Variants in ARHGAP33 observed in about 807,000 individuals in gnomAD.
ARHGAP33 encodes rho GTPase-activating protein 33.
ARHGAP33 carries 57 observed loss-of-function variants against 126.2 expected under a neutral mutation model. The observed-to-expected ratio is 0.45, with a 90% CI of 0.36 to 0.56. ARHGAP33 has a LOEUF of 0.56. Ranked by LOEUF, ARHGAP33 falls within the 20% of genes least tolerant of loss-of-function variation. The pLI, the probability that ARHGAP33 is intolerant of heterozygous loss-of-function variation, is 0.00. For missense variants in ARHGAP33, 1,500 were observed against 1,748.3 expected (o/e 0.86, Z 2.53); for synonymous variants, 711 against 755.0 (o/e 0.94, Z 0.95).
chr19:35,780,344 G>A lies in ARHGAP33; in HGVS notation c.624+11G>A, dbSNP rs1201216498. 7.4e-6 allele frequency: 12 copies of A among 1,613,428 alleles called. No homozygotes were observed. The highest frequency in any genetic ancestry group is 1.0e-5 in the Non-Finnish European group (12 of 1,179,904). Reference sequence around the variant, plus strand: ...GAGCTGTCCTTTGAGGTGAGGCTGTGGGGAAGCAGATTCCAGCTGGGCTCC... The same window carrying A: ...GAGCTGTCCTTTGAGGTGAGGCTGTAGGGAAGCAGATTCCAGCTGGGCTCC... On this transcript the variant is annotated intron_variant, in intron 7 of 20. Transcript: ENST00000007510.
rs1317896800 is a variant in ARHGAP33, at chr19:35,788,610, G to T, written c.*181G>T. On this transcript the variant is annotated 3_prime_UTR_variant, in exon 21 of 21. Transcript: ENST00000007510. ...CAGCTTCCCTACCCTGGACTGAAGG[G>T]TCTGCCCATCCCCCCACCACCCTCC... 1.2e-5 allele frequency: 7 copies of T among 579,050 alleles called. No individual in the cohort carries two copies. The highest frequency in any genetic ancestry group is 7.5e-5 in the Admixed American group (2 of 26,504). The allele number at this position is 579,050 out of a possible 1,614,324, so 35.9% of individuals were successfully genotyped here.
Position 35,785,049 on chromosome 19 carries a change from G to T in ARHGAP33, c.1664G>T (p.Arg555Leu), listed in dbSNP as rs530507072. 4.9e-5 allele frequency: 77 copies of T among 1,555,642 alleles called. No individual in the cohort carries two copies. In the South Asian group the frequency reaches 9.1e-4, roughly 18 times the overall value. The change falls in exon 17 of 21, where the codon CGG becomes CTG. Residue 555 changes from arginine (R) to leucine (L), a missense_variant. Around this residue, in one of 6 missense-constraint regions of ARHGAP33, gnomAD observed 300 missense variants for 291.1 expected, o/e 1.03. Coordinates refer to ENST00000007510, the MANE Select transcript of ARHGAP33 (RefSeq NM_001366178.1). The stretch of plus-strand genomic sequence containing the variant: ...GAAGCCCAGGCACGCACCCAGGGCC[G>T]GCTGGGGACGCCCACGGAGCCCACA... ...LEEAQARTQG[R>L]LGTPTEPTTP...
intron 17 of ARHGAP33, 28 bp downstream of exon 17, chr19:35,785,134 G>A (rs1235562422): frequency 6.3e-7 from 1 of 1,587,872 alleles, no homozygotes; most frequent in African/African-American, 1.3e-5. Context: ...GGTGGCGAGG[G>A]GCAGGTGGAG....
At chr19:35,784,766 C>T (rs1013818051) in intron 16 of ARHGAP33, 187 bp from the exon 17 acceptor site, 29 of 1,362,948 alleles carry the variant, frequency 2.1e-5, no homozygotes, top group Middle Eastern at 5.4e-4. Flanking sequence ...CTCATCAGCT[C>T]GTCCCGCCCC....
At position 35,786,963 on chromosome 19, in the gene ARHGAP33, C is replaced by G. The variant is rs1599802059; in HGVS notation, c.2493C>G (p.Ser831Arg). The G allele has an allele frequency of 6.2e-7, 1 of 1,610,588 alleles. No homozygotes were observed. Among genetic ancestry groups the G allele is most frequent in the African/African-American group, 1.3e-5 (1 of 74,964 alleles). Residue 831 changes from serine to arginine, a missense_variant, in exon 20 of 21, where the codon AGC becomes AGG. Physicochemically the swap from Ser to Arg is moderately radical, Grantham distance 110. Coordinates refer to ENST00000007510, the MANE Select transcript of ARHGAP33 (RefSeq NM_001366178.1). The surrounding 1 kb of genome is among the most constrained non-coding windows in gnomAD (Gnocchi z 7.0). Reference protein sequence around the residue: ...TPTPALSPGRSLRPHLIPLLL... With the variant: ...TPTPALSPGRRLRPHLIPLLL... Reference sequence around the variant, plus strand: ...CACCAGCTCTCAGCCCCGGCCGGAGCCTGCGCCCCCATCTCATACCCCTGC... The same window carrying G: ...CACCAGCTCTCAGCCCCGGCCGGAGGCTGCGCCCCCATCTCATACCCCTGC...
Position 35,775,635 on chromosome 19 carries a change from G to A in ARHGAP33, c.-24G>A, listed in dbSNP as rs1272376794. ...GGCGAGCGAGGGGTCGAGCGCGGCCGGGGCCTGAGGAGGCTACGCGACCAT... is the reference window on the plus strand; with the variant it reads ...GGCGAGCGAGGGGTCGAGCGCGGCCAGGGCCTGAGGAGGCTACGCGACCAT... On this transcript the variant is annotated 5_prime_UTR_variant, in exon 1 of 21. Coordinates refer to ENST00000007510, the MANE Select transcript of ARHGAP33 (RefSeq NM_001366178.1). 1.3e-6 allele frequency: 2 copies of A among 1,528,644 alleles called. No homozygotes were observed. Among genetic ancestry groups the A allele is most frequent in the Non-Finnish European group, 1.7e-6 (2 of 1,143,340 alleles). 94.7% of individuals were successfully genotyped at this position (1,528,644 alleles called of 1,614,324 possible).
At position 35,788,215 on chromosome 19, in the gene ARHGAP33, G is replaced by C. The variant is rs770878639; in HGVS notation, c.3650G>C (p.Arg1217Pro). Reference sequence around the variant, plus strand: ...AAACAACGGGCACCCTGGGGACCCCGTACCCCTCATAGGGTGCCGGGTCCC... The same window carrying C: ...AAACAACGGGCACCCTGGGGACCCCCTACCCCTCATAGGGTGCCGGGTCCC... ...PQKQRAPWGP[R>P]TPHRVPGPWG... Residue 1217 changes from arginine (R) to proline (P), a missense_variant, in exon 21 of 21, where the codon CGT (arginine) becomes CCT (proline). Around this residue, in one of 6 missense-constraint regions of ARHGAP33, gnomAD observed 642 missense variants for 634.0 expected, o/e 1.01. Transcript: ENST00000007510. 2 of 1,571,900 alleles carry C rather than the reference G, an allele frequency of 1.3e-6. No homozygotes were observed. Among genetic ancestry groups the C allele is most frequent in the Non-Finnish European group, 1.7e-6 (2 of 1,157,910 alleles).
At position 35,779,115 on chromosome 19, in the gene ARHGAP33, C is replaced by T. The variant is rs1316046104; in HGVS notation, c.492C>T (p.Thr164=). The change falls in exon 6 of 21, where the codon ACC becomes ACT. Residue 164 remains threonine (T), a synonymous_variant. Transcript: ENST00000007510. ...ACCTCAACTGCGGGCCTGTGCTCAC[C>T]TGGATGGAGGTGGGCCTGGGCAGGG... is the stretch of plus-strand genomic sequence containing the variant. ...DSNLNCGPVL[T]WMELDNHGRR... 1.3e-6 allele frequency: 2 copies of T among 1,551,474 alleles called. No individual in the cohort carries two copies. Among genetic ancestry groups the T allele is most frequent in the Admixed American group, 2.0e-5 (1 of 50,990 alleles).
chr19:35,776,537 C>T (rs976980083), intron 1 of ARHGAP33, among the ~76,000 whole-genome samples: 4 of 152,124 alleles, frequency 2.6e-5, no homozygotes, highest in South Asian at 2.1e-4. Context: ...AGCAGGGAGA[C>T]GCTACAGCCC....
Position 35,788,809 on chromosome 19 carries a change from A to C in ARHGAP33, c.*380A>C. 1.1e-5 allele frequency: 2 copies of C among 177,398 alleles called. No homozygotes were observed. The highest frequency in any genetic ancestry group is 1.5e-4 in the East Asian group (1 of 6,500). 11.0% of individuals were successfully genotyped at this position (177,398 alleles called of 1,614,324 possible). A position where few individuals can be genotyped will look rare whatever the true frequency, so the allele number is the denominator to read the frequency against. On this transcript the variant is annotated 3_prime_UTR_variant, in exon 21 of 21. Transcript: ENST00000007510. ...CCATCTGACAACATTAATGAATAAA[A>C]TGGTGAAAATGTGGCTGCTGAAGTC...
chr19:35,784,627 G>A (rs1238843685), intron 16 of ARHGAP33: 18 of 367,384 alleles, frequency 4.9e-5, no homozygotes, highest in East Asian at 2.1e-4. Context: ...ACCCCGCCCC[G>A]GCCCCACCCA....
In ARHGAP33 at chr19:35,780,191, A is replaced by G. The variant is rs767812246; in HGVS notation, c.502-20A>G. 6.2e-6 allele frequency: 10 copies of G among 1,612,624 alleles called. No homozygotes were observed. In the East Asian group the frequency reaches 1.3e-4, roughly 22 times the overall value. On this transcript the variant is annotated intron_variant, in intron 6 of 20. Transcript: ENST00000007510. ...CACCGTCTTCTGACCTGTCCTTGCC[A>G]CATTCCACCTCTATTTCAGCTGGAC... is the stretch of plus-strand genomic sequence containing the variant.
Position 35,786,417 on chromosome 19 carries a change from C to T in ARHGAP33, c.1947C>T (p.Leu649=). 1 of 1,531,778 alleles carries T rather than the reference C, an allele frequency of 6.5e-7. No homozygotes were observed. Among genetic ancestry groups the T allele is most frequent in the East Asian group, 2.4e-5 (1 of 40,856 alleles). The allele number at this position is 1,531,778 out of a possible 1,614,324, so 94.9% of individuals were successfully genotyped here. A position where few individuals can be genotyped will look rare whatever the true frequency, so the allele number is the denominator to read the frequency against. ...SLSSQASGAG[L]QRLHRLRRPH... ...TCACTGACCCCACCCCTCCAGGCCT[C>T]CAGAGGCTGCACAGGCTGCGGCGAC... Residue 649 remains leucine (L), a synonymous_variant, in exon 20 of 21, where the codon CTC becomes CTT. Coordinates refer to ENST00000007510, the MANE Select transcript of ARHGAP33 (RefSeq NM_001366178.1). This position sits in a 1 kb window ranked among gnomAD's most constrained non-coding sequence, Gnocchi z 7.0.
chr19:35,780,242 G>T lies in ARHGAP33; in HGVS notation c.533G>T (p.Ser178Ile). 1 of 1,613,984 alleles carries T rather than the reference G, an allele frequency of 6.2e-7. No individual in the cohort carries two copies. The highest frequency in any genetic ancestry group is 8.5e-7 in the Non-Finnish European group (1 of 1,180,014). Residue 178 changes from serine to isoleucine, a missense_variant, in exon 7 of 21, where the codon AGT becomes ATT. Physicochemically the swap from Ser to Ile is moderately radical, Grantham distance 142. This residue lies in a region of ARHGAP33 where 75 missense variants were observed against 152.7 expected (regional missense o/e 0.49). Transcript: ENST00000007510. ...AATCACGGCCGGCGACTGCTCCTCAGTGAGGAGGCGTCACTCAATATCCCT... is the reference window on the plus strand; with the variant it reads ...AATCACGGCCGGCGACTGCTCCTCATTGAGGAGGCGTCACTCAATATCCCT... The part of the protein sequence containing the change: ...LDNHGRRLLL[S>I]EEASLNIPAV...
chr19:35,776,344 C>T (rs1250736052), intron 1 of ARHGAP33, among the ~76,000 whole-genome samples: 1 of 151,970 alleles, frequency 6.6e-6, no homozygotes, highest in Non-Finnish European at 1.5e-5. Flanking sequence ...ATGCTGCTCC[C>T]GCTCATTCAT....
chr19:35,775,599 GCGA>G lies in ARHGAP33; in HGVS notation c.-56_-54del. The G allele has an allele frequency of 1.4e-5, 21 of 1,479,716 alleles. No individual in the cohort carries two copies. Among genetic ancestry groups the G allele is most frequent in the Non-Finnish European group, 1.9e-5 (21 of 1,119,604 alleles). 91.7% of individuals were successfully genotyped at this position (1,479,716 alleles called of 1,614,324 possible). On this transcript the variant is annotated 5_prime_UTR_variant, in exon 1 of 21. Coordinates refer to ENST00000007510, the MANE Select transcript of ARHGAP33 (RefSeq NM_001366178.1). ...TTGTGTCGCCATGGCGGCGGCAGCG[GCGA>G]CGAGAACGGCGAGCGAGGGGTCGAG...
At chr19:35,779,843 G>C (rs1470375721) in intron 6 of ARHGAP33, 24 of 457,670 alleles carry the variant, frequency 5.2e-5, no homozygotes, top group South Asian at 3.8e-4. Flanking sequence ...CAAAGTGCTG[G>C]GATTACAGGC....
In ARHGAP33 at chr19:35,786,757, C is replaced by T; in HGVS notation, c.2287C>T (p.Pro763Ser). The T allele has an allele frequency of 1.3e-6, 2 of 1,516,608 alleles. No individual in the cohort carries two copies. The highest frequency in any genetic ancestry group is 1.8e-6 in the Non-Finnish European group (2 of 1,136,188). 93.9% of individuals were successfully genotyped at this position (1,516,608 alleles called of 1,614,324 possible). Reference sequence around the variant, plus strand: ...TCCCGCACCTCCCGCCAGCCCAGCACCCCCCGCCCCTGCCTCTGCCTTCCC... The same window carrying T: ...TCCCGCACCTCCCGCCAGCCCAGCATCCCCCGCCCCTGCCTCTGCCTTCCC... ...GDPAPPASPA[P>S]PAPASAFPPR... The change falls in exon 20 of 21, where the codon CCC becomes TCC. Residue 763 changes from proline (P) to serine (S), a missense_variant. This residue lies in a region of ARHGAP33 where 73 missense variants were observed against 110.8 expected (regional missense o/e 0.66). Transcript: ENST00000007510. This position sits in a 1 kb window ranked among gnomAD's most constrained non-coding sequence, Gnocchi z 7.0.
In ARHGAP33 at chr19:35,787,305, C is replaced by G; in HGVS notation, c.2740C>G (p.Gln914Glu). The change falls in exon 21 of 21, where the codon CAA becomes GAA. Residue 914 changes from glutamine (Q) to glutamate (E), a missense_variant. Around this residue, in one of 6 missense-constraint regions of ARHGAP33, gnomAD observed 642 missense variants for 634.0 expected, o/e 1.01. Coordinates refer to ENST00000007510, the MANE Select transcript of ARHGAP33 (RefSeq NM_001366178.1). The part of the protein sequence containing the change: ...LAERAQQVAE[Q>E]QSQQECGGTP... ...TGAGCGGGCTCAGCAGGTGGCCGAG[C>G]AACAGAGCCAGCAGGAGTGTGGGGG... 6.2e-7 allele frequency: 1 copy of G among 1,612,568 alleles called. No individual in the cohort carries two copies. Among genetic ancestry groups the G allele is most frequent in the Non-Finnish European group, 8.5e-7 (1 of 1,179,496 alleles).
Sources: gnomAD v4.1 joint callset for allele counts (sites outside exome capture counted in the v4.1 genomes callset) on GRCh38, gnomAD v4.1.1 for gene constraint, gnomAD v4.1.1 regional missense constraint, Gnocchi (gnomAD v3.1) non-coding constraint, MANE v1.5 for transcripts, NCBI Gene and HGNC (gene_info 2026-07-23, HGNC 2026-07-21) for gene names.